PCDHGA11: variants seen among roughly 807,000 people sequenced by gnomAD.
The protein encoded by PCDHGA11 is protocadherin gamma-A11.
A neutral mutation model predicts 60.4 loss-of-function variants in PCDHGA11; 39 were observed. The observed-to-expected ratio is 0.65, with a 90% CI of 0.50 to 0.84. The LOEUF (loss-of-function observed/expected upper bound fraction) is 0.84. Among genes scored for constraint, PCDHGA11 ranks in the 40% least tolerant of loss-of-function variants. The pLI is 0.00. For missense variants in PCDHGA11, 1,165 were observed against 1,197.7 expected, an observed-to-expected ratio of 0.97 and a Z score of 0.40; for synonymous variants, 533 against 510.3, an observed-to-expected ratio of 1.04 and a Z score of -0.60.
intron 1 of PCDHGA11, among the ~76,000 whole-genome samples, chr5:141,488,870 G>T (rs2099680071): frequency 6.6e-6 from 1 of 152,224 alleles, no homozygotes; most frequent in African/African-American, 2.4e-5. Context: ...TGAGTGGGGA[G>T]GTAGGAAGCT....
chr5:141,508,026 T>A (rs972124070), intron 3 of PCDHGA11: 3 of 152,314 alleles, frequency 2.0e-5, no homozygotes, highest in African/African-American at 7.2e-5. Context: ...GGCTGCGGTT[T>A]GCAGCTCAGC....
chr5:141,511,641 A>C lies in PCDHGA11; in HGVS notation c.*468A>C. On this transcript the variant is annotated 3_prime_UTR_variant, in exon 4 of 4. Transcript: ENST00000398587. ...TCTGAAAAGTTGGAAGGGCATCATG[A>C]CCTCTTGGCCTCTCCTTTGATTCTC... 1 of 224,930 alleles carries C rather than the reference A, an allele frequency of 4.4e-6. No homozygotes were observed. The allele number at this position is 224,930 out of a possible 1,614,324, so 13.9% of individuals were successfully genotyped here. A position where few individuals can be genotyped will look rare whatever the true frequency, so the allele number is the denominator to read the frequency against.
chr5:141,474,967 T>G (rs745581213), intron 1 of PCDHGA11, among the ~76,000 whole-genome samples: 6 of 152,252 alleles, frequency 3.9e-5, no homozygotes, highest in Non-Finnish European at 7.3e-5. Context: ...TCCTAATCAT[T>G]ATAATTTTGT....
intron 1 of PCDHGA11, among the ~76,000 whole-genome samples, chr5:141,456,679 T>C (rs1357662868): frequency 2.0e-5 from 3 of 152,104 alleles, no homozygotes; most frequent in Non-Finnish European, 2.9e-5. Flanking sequence ...AAAAATGCAT[T>C]ACTGGCCAGG....
rs200757040 is a variant in PCDHGA11, at chr5:141,431,080, C to T, written c.2433+7420C>T. 3 of 1,614,044 alleles carry T rather than the reference C, an allele frequency of 1.9e-6. No homozygotes were observed. The highest frequency in any genetic ancestry group is 2.5e-6 in the Non-Finnish European group (3 of 1,180,010). ...CCATCAAGTGTCAATTAAATCTAGA[C>T]ATTCTGATGGAGGATAAAGTGAAAA... On this transcript the variant is annotated intron_variant, in intron 1 of 3. Coordinates refer to ENST00000398587, the MANE Select transcript of PCDHGA11 (RefSeq NM_018914.3). This position sits in a 1 kb window ranked among gnomAD's most constrained non-coding sequence, Gnocchi z 4.8.
chr5:141,437,892 C>A (rs2097916583), intron 1 of PCDHGA11, among the ~76,000 whole-genome samples: 2 of 152,116 alleles, frequency 1.3e-5, no homozygotes, highest in Admixed American at 1.3e-4. Context: ...CACACGCCAC[C>A]ACACCCAGCT....
intron 1 of PCDHGA11, among the ~76,000 whole-genome samples, chr5:141,457,863 C>A (rs2098930968): frequency 6.6e-6 from 1 of 152,194 alleles, no homozygotes; most frequent in Non-Finnish European, 1.5e-5. Flanking sequence ...TCTTCACTGA[C>A]CACAGGTTAG....
At chr5:141,469,312 C>T (rs1387258560) in intron 1 of PCDHGA11, among the ~76,000 whole-genome samples, 2 of 152,064 alleles carry the variant, frequency 1.3e-5, no homozygotes, top group Non-Finnish European at 2.9e-5. Flanking sequence ...CACGATGGCT[C>T]ACGCCTGTAA....
At chr5:141,461,291 C>A (rs892436619) in intron 1 of PCDHGA11, among the ~76,000 whole-genome samples, 1 of 152,128 alleles carries the variant, frequency 6.6e-6, no homozygotes, top group African/African-American at 2.4e-5. Flanking sequence ...CACATCCACA[C>A]CAACATCTAT....
rs1239481973 is a variant in PCDHGA11 at position 141,491,585 on chromosome 5, C to G, written c.2434-3222C>G. On this transcript the variant is annotated intron_variant, in intron 1 of 3. Coordinates refer to ENST00000398587, the MANE Select transcript of PCDHGA11 (RefSeq NM_018914.3). The surrounding 1 kb of genome is among the most constrained non-coding windows in gnomAD (Gnocchi z 6.9). ...TACAGGACGTGCTTTTCACCGGCCT[C>G]GGACGGCAGTGACTTCACTTTTCTA... 6.2e-7 allele frequency: 1 copy of G among 1,613,964 alleles called. No individual in the cohort carries two copies.
At chr5:141,430,991 A>T (rs2097333608) in intron 1 of PCDHGA11, 1 of 1,613,980 alleles carries the variant, frequency 6.2e-7, no homozygotes, top group African/African-American at 1.3e-5. Context: ...TTTCGCCCTG[A>T]ATCCGCGCAG....
At chr5:141,423,745 C>A (rs561499055) in intron 1 of PCDHGA11, 85 bp downstream of exon 1, 2 of 605,688 alleles carry the variant, frequency 3.3e-6, no homozygotes, top group Non-Finnish European at 4.0e-6. Context: ...GTTATGAAAA[C>A]TGTTTGGGGG....
chr5:141,503,212 C>G (rs1227936455), intron 2 of PCDHGA11, among the ~76,000 whole-genome samples: 1 of 152,074 alleles, frequency 6.6e-6, no homozygotes, highest in African/African-American at 2.4e-5. Flanking sequence ...CAGTGCCCAC[C>G]ATGAGCACCG....
chr5:141,490,497 C>G lies in PCDHGA11; in HGVS notation c.2434-4310C>G. The stretch of plus-strand genomic sequence containing the variant: ...CTTTGGACCGGGAGGCCACATCCCA[C>G]TATATCATCGAGCTGCTGGCCAGCG... On this transcript the variant is annotated intron_variant, in intron 1 of 3. Transcript: ENST00000398587. The surrounding 1 kb of genome is among the most constrained non-coding windows in gnomAD (Gnocchi z 5.4). 6.2e-7 allele frequency: 1 copy of G among 1,614,196 alleles called. No individual in the cohort carries two copies. Among genetic ancestry groups the G allele is most frequent in the South Asian group, 1.1e-5 (1 of 91,084 alleles).
intron 1 of PCDHGA11, among the ~76,000 whole-genome samples, chr5:141,492,869 A>G (rs975868829): frequency 6.6e-6 from 1 of 152,010 alleles, no homozygotes; most frequent in African/African-American, 2.4e-5. Context: ...CTGGCTCTCA[A>G]CCCCCAGAGA....
chr5:141,442,751 T>G (rs756672976), intron 1 of PCDHGA11, among the ~76,000 whole-genome samples: 1 of 152,196 alleles, frequency 6.6e-6, no homozygotes, highest in Non-Finnish European at 1.5e-5. Context: ...CATGTTTTGA[T>G]TATATATATT....
chr5:141,476,049 C>T lies in PCDHGA11; in HGVS notation c.2434-18758C>T. 2.0e-6 allele frequency: 3 copies of T among 1,501,848 alleles called. No homozygotes were observed. The South Asian group carries it at 4.0e-5, about 20-fold the overall frequency. 93.0% of individuals were successfully genotyped at this position (1,501,848 alleles called of 1,614,324 possible). ...CGCCCAGCGCCCAAGCGCTAACCCG[C>T]TGAAAGTTTCTCAGCGAAATCTCAG... On this transcript the variant is annotated intron_variant, in intron 1 of 3. Coordinates refer to ENST00000398587, the MANE Select transcript of PCDHGA11 (RefSeq NM_018914.3). This position sits in a 1 kb window ranked among gnomAD's most constrained non-coding sequence, Gnocchi z 7.6.
Position 141,477,209 on chromosome 5 carries a change from GC to G in PCDHGA11, c.2434-17594del. On this transcript the variant is annotated intron_variant, in intron 1 of 3. Transcript: ENST00000398587. The surrounding 1 kb of genome is among the most constrained non-coding windows in gnomAD (Gnocchi z 4.9). Reference sequence around the variant, plus strand: ...CGTGTACAGCCCAGTACCCGAGGATGCCCCTCTGGGGACTGTCATCGCTTTG... The same window carrying G: ...CGTGTACAGCCCAGTACCCGAGGATGCCCTCTGGGGACTGTCATCGCTTTG... The G allele has an allele frequency of 6.2e-7, 1 of 1,614,194 alleles. No homozygotes were observed. Among genetic ancestry groups the G allele is most frequent in the Non-Finnish European group, 8.5e-7 (1 of 1,180,038 alleles).
chr5:141,456,093 T>G (rs1362649283), intron 1 of PCDHGA11, among the ~76,000 whole-genome samples: 1 of 151,986 alleles, frequency 6.6e-6, no homozygotes, highest in Non-Finnish European at 1.5e-5. Context: ...GAGACGGGAT[T>G]TCACCGTGTT....
Sources: allele counts gnomAD v4.1 joint callset (sites outside exome capture counted in the v4.1 genomes callset), GRCh38; gene constraint gnomAD v4.1.1; non-coding constraint Gnocchi (gnomAD v3.1); transcripts MANE v1.5; gene names NCBI Gene and HGNC (gene_info 2026-07-23, HGNC 2026-07-21).